WDR86: variants seen among roughly 807,000 people sequenced by gnomAD.
WDR86 encodes WD repeat domain 86, also known as WD repeat-containing protein 86.
A neutral mutation model predicts 36.5 loss-of-function variants in WDR86; 30 were observed. The observed-to-expected ratio is 0.82, with a 90% CI of 0.61 to 1.11. The LOEUF is 1.11. WDR86 is among the 50% of genes most tolerant of loss of function. The pLI, the probability that WDR86 is intolerant of heterozygous loss-of-function variation, is 0.00. For missense variants in WDR86, 545 were observed against 561.2 expected (o/e 0.97, Z 0.29); for synonymous variants, 255 against 252.9 (o/e 1.01, Z -0.08).
rs1217034198 is a variant in WDR86, at chr7:151,395,895, T to C, written c.607A>G (p.Thr203Ala). 10 of 1,602,668 alleles carry C rather than the reference T, an allele frequency of 6.2e-6. No homozygotes were observed. Among genetic ancestry groups the C allele is most frequent in the Non-Finnish European group, 6.8e-6 (8 of 1,177,032 alleles). ...TGAVLCLVLD[T>A]PGHTAFTGST... The stretch of plus-strand genomic sequence containing the variant: ...CCTGTGAAGGCCGTGTGGCCGGGCG[T>C]GTCTAGCACTAGGCACAGCACTGCA... Residue 203 changes from threonine (T) to alanine (A), a missense_variant, in exon 3 of 6, where the codon ACG becomes GCG. Coordinates refer to ENST00000334493, the MANE Select transcript of WDR86 (RefSeq NM_198285.3).
intron 4 of WDR86, among the ~76,000 whole-genome samples, chr7:151,382,606 C>G (rs1798683194): frequency 6.6e-6 from 1 of 152,254 alleles, no homozygotes; most frequent in African/African-American, 2.4e-5. Flanking sequence ...TCTGATTTAG[C>G]AGGCGGGGCC....
At chr7:151,404,229 A>T (rs1051436521) in intron 1 of WDR86, among the ~76,000 whole-genome samples, 5 of 111,900 alleles carry the variant, frequency 4.5e-5, no homozygotes, top group Non-Finnish European at 1.1e-4. Context: ...AGGAAGGTTT[A>T]AAAAAAAAAC....
chr7:151,402,091 A>ATC lies in WDR86; in HGVS notation c.164-1852_164-1851dup, dbSNP rs1554425409. On this transcript the variant is annotated intron_variant, in intron 1 of 5. Coordinates refer to ENST00000334493, the MANE Select transcript of WDR86 (RefSeq NM_198285.3). ...AAAAAATATATATATATATATATAT[A>ATC]TCTCCACAAATGTCCTTACAAGAGA... 1.4e-4 allele frequency among the ~76,000 whole-genome samples: 17 copies of ATC among 124,176 alleles called. 1 individual carries two copies. The highest frequency in any genetic ancestry group is 5.2e-4 in the African/African-American group (16 of 30,840). The allele number at this position is 124,176 out of a possible 152,430, so 81.5% of individuals were successfully genotyped here. A position where few individuals can be genotyped will look rare whatever the true frequency, so the allele number is the denominator to read the frequency against.
At chr7:151,410,521 C>T (rs1260174013), upstream of WDR86, 1 of 152,266 alleles carries the variant, frequency 6.6e-6, no homozygotes, top group Non-Finnish European at 1.5e-5. Context: ...CAGGATTCTA[C>T]TTTGGTCTGG....
At chr7:151,402,070 A>AAAAAAAAAAATATATATATATATATATAT in intron 1 of WDR86, among the ~76,000 whole-genome samples, 2 of 50,530 alleles carry the variant, frequency 4.0e-5, no homozygotes, top group Non-Finnish European at 6.7e-5. Context: ...AAAAAAAAAA[A>AAAAAAAAAAATATATATATATATATATAT]ATATATATAT....
chr7:151,408,578 C>T (rs1487736663), intron 1 of WDR86: 3 of 215,386 alleles, frequency 1.4e-5, no homozygotes, highest in Non-Finnish European at 2.9e-5. Context: ...AAGGCCTGGG[C>T]GAGGCCACAG....
chr7:151,387,855 C>T (rs1799104365), intron 3 of WDR86, among the ~76,000 whole-genome samples: 1 of 152,246 alleles, frequency 6.6e-6, no homozygotes, highest in African/African-American at 2.4e-5. Flanking sequence ...GGGTTCAAAT[C>T]CTGCCTCCAC....
chr7:151,377,427 G>A (rs760133472), downstream of WDR86: 31 of 435,528 alleles, frequency 7.1e-5, no homozygotes, highest in South Asian at 1.1e-3. Flanking sequence ...CTGGCCTGGC[G>A]CAGGCCGTTC....
chr7:151,376,257 G>A (rs1798233361), downstream of WDR86: 4 of 466,222 alleles, frequency 8.6e-6, no homozygotes, highest in Non-Finnish European at 1.6e-5. Context: ...TGTGACCTGG[G>A]AAACCCATCC....
At chr7:151,377,088 G>C, downstream of WDR86, 1 of 1,578,708 alleles carries the variant, frequency 6.3e-7, no homozygotes, top group South Asian at 1.2e-5. Flanking sequence ...GGAGACAGAG[G>C]CCGTCAATGA....
downstream of WDR86, chr7:151,376,688 A>G (rs1395008149): frequency 6.2e-7 from 1 of 1,611,056 alleles, no homozygotes; most frequent in Non-Finnish European, 8.5e-7. Flanking sequence ...GAGAGTGTTC[A>G]GAGGCAACGT....
chr7:151,383,509 G>T (rs1281363626), intron 4 of WDR86, among the ~76,000 whole-genome samples: 1 of 151,368 alleles, frequency 6.6e-6, no homozygotes, highest in African/African-American at 2.4e-5. Flanking sequence ...TAGAGACAGG[G>T]TCTTGCTATG....
At chr7:151,380,065 C>T (rs1237779959), downstream of WDR86, among the ~76,000 whole-genome samples, 1 of 152,352 alleles carries the variant, frequency 6.6e-6, no homozygotes, top group East Asian at 1.9e-4. Context: ...TGGCCACCCC[C>T]GAGGTCTGTG....
chr7:151,380,757 C>T (rs1029865384), downstream of WDR86, among the ~76,000 whole-genome samples: 1 of 151,982 alleles, frequency 6.6e-6, no homozygotes, highest in South Asian at 2.1e-4. Flanking sequence ...CTCCTGTGCA[C>T]GAGCCCGGGG....
chr7:151,409,460 T>G lies in WDR86; in HGVS notation c.130A>C (p.Thr44Pro). The G allele has an allele frequency of 6.5e-7, 1 of 1,541,656 alleles. No homozygotes were observed. Among genetic ancestry groups the G allele is most frequent in the South Asian group, 1.2e-5 (1 of 84,158 alleles). The change falls in exon 1 of 6, where the codon ACC becomes CCC. Residue 44 changes from threonine (T) to proline (P), a missense_variant. Transcript: ENST00000334493. This position sits in a 1 kb window ranked among gnomAD's most constrained non-coding sequence, Gnocchi z 5.2. ...SEDGTARLWS[T>P]ADGQCCALLQ... is the part of the protein sequence containing the mutation. ...AGCGCGCAGCACTGGCCGTCCGCGG[T>G]GCTCCAGAGCCGGGCCGTGCCGTCC...
At chr7:151,375,638 C>T (rs993393094), downstream of WDR86, among the ~76,000 whole-genome samples, 57 of 152,222 alleles carry the variant, frequency 3.7e-4, no homozygotes, top group African/African-American at 1.1e-3. Context: ...GATCTTTTCC[C>T]TGACTAGTCT....
At chr7:151,376,517 A>G (rs933203730), downstream of WDR86, 3 of 950,550 alleles carry the variant, frequency 3.2e-6, no homozygotes, top group African/African-American at 3.3e-5. Flanking sequence ...ACAAAGGGCC[A>G]TGGTGCACAC....
rs1801040509 is a variant in WDR86, at chr7:151,409,542, C to T, written c.48G>A (p.Gly16=). ...GGCTCAGGCTCAGCCAGTTGATGCC[C>T]CCGCGGTGGTCGGCGCAGACCCTCA... is the stretch of plus-strand genomic sequence containing the variant. ...SALRVCADHR[G]GINWLSLSPD... The change falls in exon 1 of 6, where the codon GGG becomes GGA. Residue 16 remains glycine, a synonymous_variant. Transcript: ENST00000334493. This position sits in a 1 kb window ranked among gnomAD's most constrained non-coding sequence, Gnocchi z 5.2. The T allele has an allele frequency of 6.6e-7, 1 of 1,520,166 alleles. No individual in the cohort carries two copies. The highest frequency in any genetic ancestry group is 1.4e-5 in the African/African-American group (1 of 72,372). 94.2% of individuals were successfully genotyped at this position (1,520,166 alleles called of 1,614,324 possible). A position where few individuals can be genotyped will look rare whatever the true frequency, so the allele number is the denominator to read the frequency against.
chr7:151,408,525 T>C (rs557608846), intron 1 of WDR86: 4 of 181,792 alleles, frequency 2.2e-5, no homozygotes, highest in African/African-American at 9.2e-5. Context: ...ACCAGCAGTA[T>C]CAGGATTAGC....
Sources: gnomAD v4.1 joint callset for allele counts (sites outside exome capture counted in the v4.1 genomes callset) on GRCh38, gnomAD v4.1.1 for gene constraint, Gnocchi (gnomAD v3.1) non-coding constraint, MANE v1.5 for transcripts, NCBI Gene and HGNC (gene_info 2026-07-23, HGNC 2026-07-21) for gene names.